GTF3C1: variants seen among roughly 807,000 people sequenced by gnomAD.
The protein encoded by GTF3C1 is general transcription factor IIIC subunit 1, also known as general transcription factor 3C polypeptide 1.
A neutral mutation model predicts 226.7 loss-of-function variants in GTF3C1; 57 were observed. The observed-to-expected ratio is 0.25, with a 90% CI of 0.20 to 0.31. The LOEUF is 0.31. Ranked by LOEUF, GTF3C1 falls within the 10% of genes least tolerant of loss-of-function variation. The probability of loss-of-function intolerance (pLI) is 1.00; values close to 1 mark genes in which losing one functional copy is unlikely to be tolerated. For synonymous variants in GTF3C1, 1,090 were observed against 1,084.8 expected (o/e 1.00, Z -0.09); for missense variants, 2,217 against 2,776.1 (o/e 0.80, Z 4.53).
intron 11 of GTF3C1, 131 bp from the exon 12 acceptor site, chr16:27,501,475 C>G (rs975848128): frequency 1.3e-6 from 1 of 786,852 alleles, no homozygotes; most frequent in Non-Finnish European, 2.1e-6. Context: ...TTTCCCCACC[C>G]TGGAAAGACT....
chr16:27,503,994 G>T (rs554552553), intron 10 of GTF3C1, among the ~76,000 whole-genome samples: 2 of 152,202 alleles, frequency 1.3e-5, no homozygotes, highest in Non-Finnish European at 2.9e-5. Context: ...AAGAATCAAA[G>T]ATTCAAGAAG....
At position 27,542,150 on chromosome 16, in the gene GTF3C1, C is replaced by G. The variant is rs544223267; in HGVS notation, c.431+3164G>C. ...CACACTGGGGCCTAGAAGAGTCCCA[C>G]GTTTATGGCTTGTACAGCCACGTGC... On this transcript the variant is annotated intron_variant, in intron 2 of 36. Coordinates refer to ENST00000356183, the MANE Select transcript of GTF3C1 (RefSeq NM_001520.4). Among the ~76,000 whole-genome samples, 7 of 152,290 alleles carry G rather than the reference C, an allele frequency of 4.6e-5. No individual in the cohort carries two copies. The East Asian group carries it at 7.7e-4, about 17-fold the overall frequency.
chr16:27,534,812 T>C (rs2141449442), intron 4 of GTF3C1, among the ~76,000 whole-genome samples: 1 of 152,310 alleles, frequency 6.6e-6, no homozygotes, highest in South Asian at 2.1e-4. Flanking sequence ...TTGGACAACA[T>C]GGGTTTGAAC....
chr16:27,549,639 G>A, intron 1 of GTF3C1, 31 bp downstream of exon 1: 3 of 480,246 alleles, frequency 6.2e-6, no homozygotes, highest in South Asian at 5.2e-5. Context: ...GCGCCCGCCC[G>A]CCCGCCCGCC....
chr16:27,525,417 C>T (rs1430069199), intron 6 of GTF3C1, among the ~76,000 whole-genome samples: 1 of 152,218 alleles, frequency 6.6e-6, no homozygotes, highest in African/African-American at 2.4e-5. Context: ...ACACTAGGAA[C>T]TCAAAGATGA....
chr16:27,536,411 G>A (rs1022740870), intron 4 of GTF3C1, among the ~76,000 whole-genome samples: 6 of 152,162 alleles, frequency 3.9e-5, no homozygotes, highest in Non-Finnish European at 7.3e-5. Flanking sequence ...TGGCCAACAT[G>A]GCAAAACCCT....
chr16:27,549,840 A>T lies in GTF3C1; in HGVS notation c.51T>A (p.Asp17Glu). 1.9e-6 allele frequency: 3 copies of T among 1,613,028 alleles called. No homozygotes were observed. The highest frequency in any genetic ancestry group is 2.5e-6 in the Non-Finnish European group (3 of 1,179,852). ...LLDEVALEGL[D>E]GLCLPALWSR... ...TCCACAGCGCTGGCAGACACAGGCC[A>T]TCGAGCCCCTCCAGAGCGACTTCGT... Residue 17 changes from aspartate to glutamate, a missense_variant, in exon 1 of 37, where the codon GAT (aspartate) becomes GAA (glutamate). By Grantham distance (45) the Asp-to-Glu change is conservative. Coordinates refer to ENST00000356183, the MANE Select transcript of GTF3C1 (RefSeq NM_001520.4).
chr16:27,533,698 A>C (rs1456514956), intron 4 of GTF3C1, among the ~76,000 whole-genome samples: 6 of 152,244 alleles, frequency 3.9e-5, no homozygotes, highest in African/African-American at 1.4e-4. Flanking sequence ...TTTTAAGTTT[A>C]GGAAGTATCA....
Position 27,469,958 on chromosome 16 carries a change from C to T in GTF3C1, c.4814+150G>A. The T allele has an allele frequency of 2.8e-6, 2 of 703,634 alleles. No individual in the cohort carries two copies. Among genetic ancestry groups the T allele is most frequent in the Non-Finnish European group, 4.9e-6 (2 of 405,580 alleles). The allele number at this position is 703,634 out of a possible 1,614,324, so 43.6% of individuals were successfully genotyped here. On this transcript the variant is annotated intron_variant, in intron 31 of 36. Transcript: ENST00000356183. This position sits in a 1 kb window ranked among gnomAD's most constrained non-coding sequence, Gnocchi z 4.5. ...ACACCTGGGAGGCACCAGCAGAGGA[C>T]ACCTTAGACACCGGCCTATAATCCC...
At position 27,470,020 on chromosome 16, in the gene GTF3C1, C is replaced by T. The variant is rs1392574595; in HGVS notation, c.4814+88G>A. On this transcript the variant is annotated intron_variant, in intron 31 of 36. Coordinates refer to ENST00000356183, the MANE Select transcript of GTF3C1 (RefSeq NM_001520.4). This position sits in a 1 kb window ranked among gnomAD's most constrained non-coding sequence, Gnocchi z 4.9. ...CTGCAACTCCCATCCCACAAGCTCC[C>T]AGAAGGCACTGCTGACCCCTGCCCG... 4 of 1,070,684 alleles carry T rather than the reference C, an allele frequency of 3.7e-6. No homozygotes were observed. In the African/African-American group the frequency reaches 6.3e-5, roughly 17 times the overall value. 66.3% of individuals were successfully genotyped at this position (1,070,684 alleles called of 1,614,324 possible).
In GTF3C1 at chr16:27,469,283, G is replaced by A. The variant is rs745772829; in HGVS notation, c.5074+8C>T. 13 of 1,551,006 alleles carry A rather than the reference G, an allele frequency of 8.4e-6. No homozygotes were observed. In the Admixed American group the frequency reaches 2.0e-4, roughly 23 times the overall value. ...AGGCCCTCCCACAGCACCAGCAGGA[G>A]CACTCACCAGCGGGCCTGAGCCGGG... On this transcript the variant is annotated splice_region_variant and intron_variant, in intron 32 of 36. Coordinates refer to ENST00000356183, the MANE Select transcript of GTF3C1 (RefSeq NM_001520.4). This position sits in a 1 kb window ranked among gnomAD's most constrained non-coding sequence, Gnocchi z 4.5.
rs1301178231 is a variant in GTF3C1, at chr16:27,530,214, TG to T, written c.850-1494del. On this transcript the variant is annotated intron_variant, in intron 5 of 36. Transcript: ENST00000356183. ...GCTAACCAGCACTCCAGCCCTTGGGTGGCAGAACATATGGCTATCAAAACAA... is the reference window on the plus strand; with the variant it reads ...GCTAACCAGCACTCCAGCCCTTGGGTGCAGAACATATGGCTATCAAAACAA... Among the ~76,000 whole-genome samples, 5 of 152,282 alleles carry T rather than the reference TG, an allele frequency of 3.3e-5. No individual in the cohort carries two copies. The East Asian group carries it at 9.6e-4, about 29-fold the overall frequency.
At chr16:27,542,723 G>A (rs375046494) in intron 2 of GTF3C1, among the ~76,000 whole-genome samples, 7 of 152,218 alleles carry the variant, frequency 4.6e-5, no homozygotes, top group Admixed American at 2.6e-4. Flanking sequence ...GATTAGCTCC[G>A]GTGAGAGTGG....
At chr16:27,483,636 G>A (rs1394540967) in intron 25 of GTF3C1, among the ~76,000 whole-genome samples, 1 of 152,266 alleles carries the variant, frequency 6.6e-6, no homozygotes, top group Non-Finnish European at 1.5e-5. Context: ...ACCAGGCACT[G>A]CTGCCTTCAT....
intron 26 of GTF3C1, 51 bp from the exon 27 acceptor site, chr16:27,481,242 G>T (rs1211233933): frequency 4.6e-6 from 7 of 1,520,270 alleles, no homozygotes; most frequent in Non-Finnish European, 6.4e-6. Flanking sequence ...CCTAAAGGGA[G>T]GTTTTGCTAA....
chr16:27,469,259 G>T lies in GTF3C1; in HGVS notation c.5074+32C>A. ...GTCTTCCTGGATGATGGCGAGGCCA[G>T]GCCCTCCCACAGCACCAGCAGGAGC... On this transcript the variant is annotated intron_variant, in intron 32 of 36. Transcript: ENST00000356183. This position sits in a 1 kb window ranked among gnomAD's most constrained non-coding sequence, Gnocchi z 4.5. 1.3e-6 allele frequency: 2 copies of T among 1,532,402 alleles called. No homozygotes were observed. Among genetic ancestry groups the T allele is most frequent in the Non-Finnish European group, 8.8e-7 (1 of 1,134,394 alleles). The allele number at this position is 1,532,402 out of a possible 1,614,324, so 94.9% of individuals were successfully genotyped here. A position where few individuals can be genotyped will look rare whatever the true frequency, so the allele number is the denominator to read the frequency against.
intron 27 of GTF3C1, chr16:27,480,850 A>C (rs1461155973): frequency 2.0e-6 from 1 of 510,442 alleles, no homozygotes; most frequent in Non-Finnish European, 3.5e-6. Context: ...CAACCAAACA[A>C]GGAAGCCTGA....
In GTF3C1 at chr16:27,469,626, A is replaced by G. The variant is rs1445572462; in HGVS notation, c.4815-76T>C. The G allele has an allele frequency of 1.3e-6, 2 of 1,516,456 alleles. No homozygotes were observed. The highest frequency in any genetic ancestry group is 4.5e-5 in the East Asian group (2 of 43,986). The allele number at this position is 1,516,456 out of a possible 1,614,324, so 93.9% of individuals were successfully genotyped here. A position where few individuals can be genotyped will look rare whatever the true frequency, so the allele number is the denominator to read the frequency against. ...ACTGCAGCCTCTCCCCTCCCTCAAG[A>G]GGCCTCTGTGGCTGGGCTTCAGCAG... On this transcript the variant is annotated intron_variant, in intron 31 of 36. Coordinates refer to ENST00000356183, the MANE Select transcript of GTF3C1 (RefSeq NM_001520.4). The surrounding 1 kb of genome is among the most constrained non-coding windows in gnomAD (Gnocchi z 4.5).
At position 27,462,839 on chromosome 16, in the gene GTF3C1, A is replaced by C; in HGVS notation, c.5925-353T>G. 3.7e-6 allele frequency: 1 copy of C among 272,252 alleles called. No individual in the cohort carries two copies. The highest frequency in any genetic ancestry group is 2.1e-5 in the African/African-American group (1 of 47,098). 16.9% of individuals were successfully genotyped at this position (272,252 alleles called of 1,614,324 possible). On this transcript the variant is annotated intron_variant, in intron 35 of 36. Coordinates refer to ENST00000356183, the MANE Select transcript of GTF3C1 (RefSeq NM_001520.4). This position sits in a 1 kb window ranked among gnomAD's most constrained non-coding sequence, Gnocchi z 4.5. ...CCACCTCCAGGCTGTGGCAAAACTC[A>C]CGGGAGCGTGACCCTGAAGCTCTGC...
Sources: allele counts gnomAD v4.1 joint callset (sites outside exome capture counted in the v4.1 genomes callset), GRCh38; gene constraint gnomAD v4.1.1; non-coding constraint Gnocchi (gnomAD v3.1); transcripts MANE v1.5; gene names NCBI Gene and HGNC (gene_info 2026-07-23, HGNC 2026-07-21).